Variants in RFX3 observed in about 807,000 individuals in gnomAD.
RFX3 encodes the protein transcription factor RFX3.
In RFX3, 14 loss-of-function variants were observed where a neutral mutation model predicts 98.6. That is an observed-to-expected ratio of 0.14 (90% CI 0.09 to 0.22). The LOEUF is 0.22. RFX3 is among the 10% of genes least tolerant of loss of function. The pLI is 1.00. For missense variants in RFX3, 639 were observed against 926.9 expected (o/e 0.69, Z 4.03); for synonymous variants, 383 against 328.4 (o/e 1.17, Z -1.80).
chr9:3,301,725 G>A (rs1427393607), intron 4 of RFX3, 105 bp from the exon 5 acceptor site: 8 of 737,202 alleles, frequency 1.1e-5, no homozygotes, highest in African/African-American at 8.7e-5. Flanking sequence ...CTTCCTCAAC[G>A]GTCGTTAATG....
At chr9:3,466,026 A>C (rs1231803461) in intron 1 of RFX3, among the ~76,000 whole-genome samples, 1 of 152,216 alleles carries the variant, frequency 6.6e-6, no homozygotes, top group Non-Finnish European at 1.5e-5. Flanking sequence ...ACAAGATTGG[A>C]AGTACAGAAT....
intron 1 of RFX3, among the ~76,000 whole-genome samples, chr9:3,396,753 T>C (rs1319324126): frequency 6.6e-6 from 1 of 152,326 alleles, no homozygotes; most frequent in Non-Finnish European, 1.5e-5. Flanking sequence ...TGAGATGGTA[T>C]CTCATTGTGG....
intron 2 of RFX3, among the ~76,000 whole-genome samples, chr9:3,375,818 G>C (rs1838409535): frequency 6.6e-6 from 1 of 152,134 alleles, no homozygotes; most frequent in African/African-American, 2.4e-5. Context: ...AAATTAGCTA[G>C]GCATGGTGGC....
chr9:3,522,848 T>TA (rs999403532), intron 1 of RFX3, among the ~76,000 whole-genome samples: 4 of 152,120 alleles, frequency 2.6e-5, no homozygotes, highest in African/African-American at 4.8e-5. Context: ...TTGTTAATGG[T>TA]AAAAAAATTA....
At chr9:3,454,756 C>A (rs1192149300) in intron 1 of RFX3, among the ~76,000 whole-genome samples, 2 of 152,138 alleles carry the variant, frequency 1.3e-5, no homozygotes, top group African/African-American at 4.8e-5. Flanking sequence ...ACAAATCTTT[C>A]ATTTTATATA....
chr9:3,361,890 T>C (rs1026115686), intron 2 of RFX3, among the ~76,000 whole-genome samples: 2 of 152,068 alleles, frequency 1.3e-5, no homozygotes, highest in Non-Finnish European at 2.9e-5. Context: ...GAGACTGCAG[T>C]GAGCCATGAT....
At position 3,247,169 on chromosome 9, in the gene RFX3, G is replaced by A. The variant is rs1820788172; in HGVS notation, c.1968+863C>T. 8 of 985,034 alleles carry A rather than the reference G, an allele frequency of 8.1e-6. No homozygotes were observed. The South Asian group carries it at 2.4e-4, about 29-fold the overall frequency. The allele number at this position is 985,034 out of a possible 1,614,324, so 61.0% of individuals were successfully genotyped here. A position where few individuals can be genotyped will look rare whatever the true frequency, so the allele number is the denominator to read the frequency against. On this transcript the variant is annotated intron_variant, in intron 15 of 16. Coordinates refer to ENST00000617270, the MANE Select transcript of RFX3 (RefSeq NM_001282116.2). Reference sequence around the variant, plus strand: ...ATTCGACAAGGTATAAACTACCCCCGCCTCCTGCATTCAATATAACAAAAT... The same window carrying A: ...ATTCGACAAGGTATAAACTACCCCCACCTCCTGCATTCAATATAACAAAAT...
intron 4 of RFX3, among the ~76,000 whole-genome samples, chr9:3,319,513 T>C (rs578228546): frequency 2.6e-5 from 4 of 152,210 alleles, no homozygotes. Context: ...TCTTTCACTC[T>C]CTTGCTATCC....
At chr9:3,311,609 G>A (rs991346567) in intron 4 of RFX3, among the ~76,000 whole-genome samples, 1 of 152,186 alleles carries the variant, frequency 6.6e-6, no homozygotes, top group Non-Finnish European at 1.5e-5. Context: ...ACAAGACCGG[G>A]CGTGGTGGCT....
intron 1 of RFX3, among the ~76,000 whole-genome samples, chr9:3,449,583 G>C (rs1273321953): frequency 2.6e-5 from 4 of 152,194 alleles, no homozygotes; most frequent in Admixed American, 2.6e-4. Flanking sequence ...AAATTGGCCA[G>C]GCACAGTGCC....
At chr9:3,398,188 T>C (rs1841094946) in intron 1 of RFX3, among the ~76,000 whole-genome samples, 1 of 152,076 alleles carries the variant, frequency 6.6e-6, no homozygotes, top group African/African-American at 2.4e-5. Context: ...TGACCAAAAA[T>C]GTTTGAGAAT....
chr9:3,414,562 T>C (rs1842734946), intron 1 of RFX3, among the ~76,000 whole-genome samples: 1 of 149,598 alleles, frequency 6.7e-6, no homozygotes, highest in South Asian at 2.1e-4. Context: ...TATATATATA[T>C]GCTAGTGGTA....
intron 15 of RFX3, among the ~76,000 whole-genome samples, chr9:3,244,679 T>G (rs181085845): frequency 2.6e-5 from 4 of 152,304 alleles, no homozygotes; most frequent in Admixed American, 2.6e-4. Context: ...AGTTCTTACC[T>G]CAAACATCAC....
At chr9:3,442,416 G>C (rs1468976600) in intron 1 of RFX3, among the ~76,000 whole-genome samples, 1 of 152,008 alleles carries the variant, frequency 6.6e-6, no homozygotes, top group Non-Finnish European at 1.5e-5. Context: ...AAAGTATCTG[G>C]CCAGTACTGC....
intron 2 of RFX3, among the ~76,000 whole-genome samples, chr9:3,365,069 G>T (rs1013694285): frequency 6.6e-6 from 1 of 151,986 alleles, no homozygotes; most frequent in African/African-American, 2.4e-5. Flanking sequence ...CGGGAGGCCG[G>T]GACAGGTGGA....
Position 3,248,066 on chromosome 9 carries a change from G to A in RFX3, c.1934C>T (p.Ala645Val). 2 of 1,614,026 alleles carry A rather than the reference G, an allele frequency of 1.2e-6. No individual in the cohort carries two copies. Among genetic ancestry groups the A allele is most frequent in the Non-Finnish European group, 1.7e-6 (2 of 1,179,940 alleles). ...GACTGCTATAGGAGTCTCTCCTGTT[G>A]CCTGAGCAACACGATGTTCTACTAA... ...FYLVEHRVAQ[A>V]TGETPIAVMG... The change falls in exon 15 of 17, where the codon GCA (alanine) becomes GTA (valine). Residue 645 changes from alanine to valine, a missense_variant. Ala to Val is a moderately conservative substitution (Grantham distance 64). Transcript: ENST00000617270.
At chr9:3,331,969 C>T (rs989203424) in intron 3 of RFX3, among the ~76,000 whole-genome samples, 1 of 152,076 alleles carries the variant, frequency 6.6e-6, no homozygotes, top group Non-Finnish European at 1.5e-5. Flanking sequence ...GATTCCATTC[C>T]TCTCTTGTTC....
At chr9:3,519,323 T>C (rs1189944546) in intron 1 of RFX3, among the ~76,000 whole-genome samples, 1 of 152,226 alleles carries the variant, frequency 6.6e-6, no homozygotes, top group Non-Finnish European at 1.5e-5. Flanking sequence ...GCAGCTTGTC[T>C]GTGCCTTATT....
At chr9:3,484,910 AC>A (rs532243719) in intron 1 of RFX3, among the ~76,000 whole-genome samples, 49 of 135,848 alleles carry the variant, frequency 3.6e-4, no homozygotes, top group South Asian at 1.3e-3. Flanking sequence ...ATAGGGAGAC[AC>A]CCCCCCCCAC....
Sources: allele counts gnomAD v4.1 joint callset (sites outside exome capture counted in the v4.1 genomes callset), GRCh38; gene constraint gnomAD v4.1.1; transcripts MANE v1.5; gene names NCBI Gene and HGNC (gene_info 2026-07-23, HGNC 2026-07-21).